DAPK1: variants seen among roughly 807,000 people sequenced by gnomAD.
DAPK1 encodes death-associated protein kinase 1.
Under a neutral mutation model 144.9 loss-of-function variants are expected in DAPK1, and 56 were observed. The observed-to-expected ratio is 0.39, with a 90% CI of 0.31 to 0.48. The LOEUF (loss-of-function observed/expected upper bound fraction) is 0.48. DAPK1 is among the 20% of genes least tolerant of loss of function. The pLI, the probability that DAPK1 is intolerant of heterozygous loss-of-function variation, is 0.95. For missense variants in DAPK1, 1,454 were observed against 1,875.4 expected (o/e 0.78, Z 4.15); for synonymous variants, 690 against 749.0 (o/e 0.92, Z 1.29).
chr9:87,499,328 A>G (rs1378960039), intron 2 of DAPK1, 189 bp downstream of exon 2: 4 of 596,150 alleles, frequency 6.7e-6, no homozygotes, highest in Non-Finnish European at 1.2e-5. Flanking sequence ...GGGGTGGAGG[A>G]GAGGCAGCAG....
chr9:87,613,778 G>C (rs2119004123), intron 3 of DAPK1, among the ~76,000 whole-genome samples: 1 of 152,324 alleles, frequency 6.6e-6, no homozygotes, highest in Non-Finnish European at 1.5e-5. Flanking sequence ...CAGTCTCCCT[G>C]TCTCTGCTTC....
At chr9:87,540,029 C>T (rs1413665469) in intron 2 of DAPK1, among the ~76,000 whole-genome samples, 4 of 151,526 alleles carry the variant, frequency 2.6e-5, no homozygotes, top group African/African-American at 7.3e-5. Flanking sequence ...TGGAAGTTCT[C>T]GACTTAAGGA....
rs942027988 is a variant in DAPK1 at position 87,686,395 on chromosome 9, C to T, written c.2225-156C>T. ...ACAGCCTTGCTGGGAACACTGCTGCCCTGCACGTGTGAGGGCAGACACACT... is the reference window on the plus strand; with the variant it reads ...ACAGCCTTGCTGGGAACACTGCTGCTCTGCACGTGTGAGGGCAGACACACT... On this transcript the variant is annotated intron_variant, in intron 20 of 25. Coordinates refer to ENST00000408954, the MANE Select transcript of DAPK1 (RefSeq NM_004938.4). The surrounding 1 kb of genome is among the most constrained non-coding windows in gnomAD (Gnocchi z 4.2). Among the ~76,000 whole-genome samples the T allele has an allele frequency of 1.2e-4, 18 of 152,272 alleles. No homozygotes were observed. Among genetic ancestry groups the T allele is most frequent in the African/African-American group, 3.4e-4 (14 of 41,556 alleles).
At chr9:87,509,680 T>G (rs1248160180) in intron 2 of DAPK1, among the ~76,000 whole-genome samples, 2 of 152,234 alleles carry the variant, frequency 1.3e-5, no homozygotes, top group African/African-American at 4.8e-5. Context: ...CGTTTTCTTC[T>G]GTGCACTTGG....
At position 87,639,832 on chromosome 9, in the gene DAPK1, A is replaced by G. The variant is rs1231923334; in HGVS notation, c.629+17A>G. On this transcript the variant is annotated intron_variant, in intron 7 of 25. Transcript: ENST00000408954. ...CTATATCCTGTAAGTATCAGAATTC[A>G]CAACTCATACTCTCTTCTCTTCTAT... 1 of 1,612,656 alleles carries G rather than the reference A, an allele frequency of 6.2e-7. No individual in the cohort carries two copies. Among genetic ancestry groups the G allele is most frequent in the East Asian group, 2.2e-5 (1 of 44,852 alleles).
chr9:87,545,574 T>C (rs1826219310), intron 2 of DAPK1, among the ~76,000 whole-genome samples: 1 of 152,064 alleles, frequency 6.6e-6, no homozygotes, highest in Admixed American at 6.6e-5. Context: ...GAGATGGAGT[T>C]TTGCTCTTGT....
At chr9:87,667,055 C>T (rs73652194) in intron 18 of DAPK1, among the ~76,000 whole-genome samples, 1,621 of 152,152 alleles carry the variant, frequency 0.011, 29 homozygotes, top group African/African-American at 0.036. Context: ...GGGAGCTGGG[C>T]GACAGGATAT....
At chr9:87,601,551 G>A (rs1828517528) in intron 2 of DAPK1, among the ~76,000 whole-genome samples, 1 of 152,074 alleles carries the variant, frequency 6.6e-6, no homozygotes, top group Admixed American at 6.5e-5. Context: ...CTCTCTGGCA[G>A]TCATGAGAGG....
chr9:87,707,199 C>A lies in DAPK1; in HGVS notation c.4128C>A (p.Leu1376=). The part of the protein sequence containing the change: ...TTYPESTVGT[L]MSKLRELGRR... ...ACCCTGAGAGCACAGTGGGCACCCT[C>A]ATGTCCAAACTGAGGGAGCTGGGTC... Residue 1376 remains leucine, a synonymous_variant, in exon 26 of 26, where the codon CTC becomes CTA. Coordinates refer to ENST00000408954, the MANE Select transcript of DAPK1 (RefSeq NM_004938.4). This position sits in a 1 kb window ranked among gnomAD's most constrained non-coding sequence, Gnocchi z 4.0. 1 of 1,614,222 alleles carries A rather than the reference C, an allele frequency of 6.2e-7. No homozygotes were observed. Among genetic ancestry groups the A allele is most frequent in the Non-Finnish European group, 8.5e-7 (1 of 1,180,034 alleles).
At chr9:87,586,148 T>C (rs1827935510) in intron 2 of DAPK1, among the ~76,000 whole-genome samples, 1 of 152,046 alleles carries the variant, frequency 6.6e-6, no homozygotes, top group Non-Finnish European at 1.5e-5. Context: ...ATTAGCCAGA[T>C]ATGATGGCGT....
chr9:87,562,945 G>T (rs35922489), intron 2 of DAPK1, among the ~76,000 whole-genome samples: 5,859 of 152,280 alleles, frequency 0.038, 152 homozygotes, highest in Middle Eastern at 0.095. Flanking sequence ...TCAAACAAGT[G>T]CTGACCTCTT....
intron 2 of DAPK1, among the ~76,000 whole-genome samples, chr9:87,569,361 G>A (rs1827251093): frequency 6.6e-6 from 1 of 152,242 alleles, no homozygotes; most frequent in African/African-American, 2.4e-5. Flanking sequence ...TCACGGGGGA[G>A]CCCAGGAACC....
intron 21 of DAPK1, among the ~76,000 whole-genome samples, chr9:87,692,308 G>C (rs1196240064): frequency 3.3e-5 from 5 of 150,638 alleles, no homozygotes; most frequent in Non-Finnish European, 7.4e-5. Context: ...CTCACTTTTG[G>C]TTTCCATTTT....
At chr9:87,498,198 A>G (rs940890652) in intron 1 of DAPK1, 91 bp downstream of exon 1, 2 of 396,424 alleles carry the variant, frequency 5.0e-6, no homozygotes, top group African/African-American at 4.1e-5. Flanking sequence ...TTGTCCGGGC[A>G]GTGCCTCGAG....
At chr9:87,577,140 G>A (rs1038754504) in intron 2 of DAPK1, among the ~76,000 whole-genome samples, 4 of 152,166 alleles carry the variant, frequency 2.6e-5, no homozygotes, top group African/African-American at 7.2e-5. Context: ...CAAGATCAAC[G>A]AGGCAAACCT....
chr9:87,677,709 C>T (rs1215893660), intron 19 of DAPK1, among the ~76,000 whole-genome samples: 2 of 152,188 alleles, frequency 1.3e-5, no homozygotes, highest in Non-Finnish European at 2.9e-5. Flanking sequence ...TGCATCTACC[C>T]TGTGGGATGC....
chr9:87,605,430 A>T (rs1286430228), intron 3 of DAPK1, among the ~76,000 whole-genome samples: 1 of 152,098 alleles, frequency 6.6e-6, no homozygotes. Context: ...CTTGCGGTTC[A>T]CCACTTTCTG....
intron 24 of DAPK1, among the ~76,000 whole-genome samples, chr9:87,700,816 C>A (rs57024895): frequency 0.045 from 6,900 of 151,948 alleles, 501 homozygotes; most frequent in African/African-American, 0.15. Flanking sequence ...TGGGAAAAAA[C>A]CAAAAAATTC....
chr9:87,566,224 T>C (rs778168005), intron 2 of DAPK1, among the ~76,000 whole-genome samples: 1 of 152,050 alleles, frequency 6.6e-6, no homozygotes, highest in Non-Finnish European at 1.5e-5. Flanking sequence ...GGTTTCACCA[T>C]GTTAGCCAGG....
Sources: allele counts gnomAD v4.1 joint callset (sites outside exome capture counted in the v4.1 genomes callset), GRCh38; gene constraint gnomAD v4.1.1; non-coding constraint Gnocchi (gnomAD v3.1); transcripts MANE v1.5; gene names NCBI Gene and HGNC (gene_info 2026-07-23, HGNC 2026-07-21).